TANGO6: variants seen among roughly 807,000 people sequenced by gnomAD.
TANGO6 encodes the protein transport and golgi organization 6 homolog.
In TANGO6, 90 loss-of-function variants were observed where a neutral mutation model predicts 114.2. The observed-to-expected ratio is 0.79, with a 90% confidence interval of 0.66 to 0.94. The LOEUF is 0.94. Ranked by LOEUF, TANGO6 falls within the 40% of genes least tolerant of loss-of-function variation. The pLI is 0.00. For synonymous variants in TANGO6, 477 were observed against 509.8 expected (o/e 0.94, Z 0.87); for missense variants, 1,274 against 1,315.3 (o/e 0.97, Z 0.49).
chr16:69,048,404 G>A (rs1959896379), intron 17 of TANGO6, among the ~76,000 whole-genome samples: 1 of 151,576 alleles, frequency 6.6e-6, no homozygotes, highest in African/African-American at 2.4e-5. Context: ...GCCCTGCCAG[G>A]ATTAATTTTT....
chr16:69,029,298 G>T (rs1461376528), intron 16 of TANGO6, among the ~76,000 whole-genome samples: 5 of 152,190 alleles, frequency 3.3e-5, no homozygotes, highest in Non-Finnish European at 4.4e-5. Flanking sequence ...CTGTTTACTT[G>T]CATTCACTTG....
intron 15 of TANGO6, among the ~76,000 whole-genome samples, chr16:68,995,659 A>G (rs1028774308): frequency 1.3e-5 from 2 of 152,202 alleles, no homozygotes; most frequent in African/African-American, 2.4e-5. Flanking sequence ...CTCAGTGCCA[A>G]TTCTGGTGTT....
intron 15 of TANGO6, among the ~76,000 whole-genome samples, chr16:68,992,485 G>A (rs1170956885): frequency 1.3e-5 from 2 of 152,114 alleles, no homozygotes; most frequent in Non-Finnish European, 2.9e-5. Flanking sequence ...CATGGTAAGG[G>A]GTGAATAAAT....
At position 68,945,191 on chromosome 16, in the gene TANGO6, G is replaced by A. The variant is rs78051051; in HGVS notation, c.2701+14896G>A. 3.4e-3 allele frequency among the ~76,000 whole-genome samples: 524 copies of A among 152,208 alleles called. 4 individuals are homozygous for A. The highest frequency in any genetic ancestry group is 0.012 in the African/African-American group (503 of 41,558). ...AAGAAGTTTGGAGATTTTATAAAAA[G>A]GAGAAATGTTACATACTGTTCCAGA... On this transcript the variant is annotated intron_variant, in intron 14 of 17. Coordinates refer to ENST00000261778, the MANE Select transcript of TANGO6 (RefSeq NM_024562.2).
rs1350154493 is a variant in TANGO6 at position 69,083,687 on chromosome 16, G to A, written c.*26G>A. On this transcript the variant is annotated 3_prime_UTR_variant, in exon 18 of 18. Coordinates refer to ENST00000261778, the MANE Select transcript of TANGO6 (RefSeq NM_024562.2). ...ACCTGGCTCCAAGGACGTGGAGGAG[G>A]CAGGCAGGGCCAGGCACCCAGAGCC... 1.3e-6 allele frequency: 2 copies of A among 1,546,480 alleles called. No individual in the cohort carries two copies. The highest frequency in any genetic ancestry group is 1.2e-5 in the South Asian group (1 of 83,140).
At chr16:68,865,655 G>A (rs1962165220) in intron 3 of TANGO6, among the ~76,000 whole-genome samples, 3 of 152,134 alleles carry the variant, frequency 2.0e-5, no homozygotes, top group South Asian at 4.2e-4. Flanking sequence ...GGCCGGGCGC[G>A]GTGGCGCACT....
intron 12 of TANGO6, among the ~76,000 whole-genome samples, chr16:68,922,958 T>C (rs1211311840): frequency 6.9e-6 from 1 of 144,012 alleles, no homozygotes; most frequent in Non-Finnish European, 1.5e-5. Flanking sequence ...TTTTTTTTTT[T>C]TTTTTTTTGA....
At chr16:69,060,161 GA>G (rs1319408205) in intron 17 of TANGO6, among the ~76,000 whole-genome samples, 2 of 152,010 alleles carry the variant, frequency 1.3e-5, no homozygotes, top group African/African-American at 2.4e-5. Flanking sequence ...TACTTTTTAT[GA>G]AAAGGCTTTT....
chr16:68,924,033 C>G, intron 12 of TANGO6, among the ~76,000 whole-genome samples: 1 of 152,252 alleles, frequency 6.6e-6, no homozygotes, highest in Non-Finnish European at 1.5e-5. Context: ...AGTCTTTTAT[C>G]AGAATTTCCC....
chr16:69,053,834 C>T (rs533971538), intron 17 of TANGO6, among the ~76,000 whole-genome samples: 50 of 152,108 alleles, frequency 3.3e-4, no homozygotes, highest in South Asian at 8.3e-4. Flanking sequence ...GAGGCCAAGG[C>T]GGGTGGATCA....
intron 6 of TANGO6, among the ~76,000 whole-genome samples, chr16:68,880,313 G>A (rs1245811507): frequency 6.6e-6 from 1 of 152,066 alleles, no homozygotes; most frequent in Non-Finnish European, 1.5e-5. Flanking sequence ...TAGGTAATTG[G>A]CAACGTTGGT....
chr16:68,947,190 G>A (rs1396387491), intron 14 of TANGO6, among the ~76,000 whole-genome samples: 1 of 152,152 alleles, frequency 6.6e-6, no homozygotes, highest in Non-Finnish European at 1.5e-5. Context: ...GGGCGCAGTG[G>A]CTCACGCCTG....
At chr16:68,845,037 G>A (rs1008466682) in intron 1 of TANGO6, among the ~76,000 whole-genome samples, 8 of 146,380 alleles carry the variant, frequency 5.5e-5, no homozygotes, top group Non-Finnish European at 7.4e-5. Context: ...GCACAATCTC[G>A]GCTCACTGCA....
intron 17 of TANGO6, among the ~76,000 whole-genome samples, chr16:69,048,326 T>C (rs2152236456): frequency 7.0e-6 from 1 of 142,610 alleles, no homozygotes; most frequent in South Asian, 2.3e-4. Flanking sequence ...GGTCTCAAAC[T>C]CCTGACCTCA....
At chr16:69,062,803 A>G (rs1290318056) in intron 17 of TANGO6, among the ~76,000 whole-genome samples, 1 of 151,018 alleles carries the variant, frequency 6.6e-6, no homozygotes, top group Non-Finnish European at 1.5e-5. Flanking sequence ...AAAAAAAAAA[A>G]AAAAAGAATC....
chr16:68,949,531 G>C (rs1022456704), intron 14 of TANGO6, among the ~76,000 whole-genome samples: 1 of 151,754 alleles, frequency 6.6e-6, no homozygotes, highest in Non-Finnish European at 1.5e-5. Context: ...TGAGGCAGGA[G>C]AATCGCTTGA....
intron 2 of TANGO6, among the ~76,000 whole-genome samples, chr16:68,862,019 T>A (rs942344085): frequency 1.2e-4 from 18 of 151,404 alleles, no homozygotes; most frequent in African/African-American, 4.4e-4. Context: ...TCTATTTTTT[T>A]TTAATTTTTT....
chr16:68,996,465 C>T (rs1379118186), intron 15 of TANGO6, among the ~76,000 whole-genome samples: 1 of 152,028 alleles, frequency 6.6e-6, no homozygotes, highest in Non-Finnish European at 1.5e-5. Context: ...GTTCTAGGCC[C>T]TGAAATGCAG....
chr16:68,864,333 G>T (rs1962144844), intron 3 of TANGO6, among the ~76,000 whole-genome samples: 1 of 152,126 alleles, frequency 6.6e-6, no homozygotes, highest in Non-Finnish European at 1.5e-5. Flanking sequence ...CAGCACTTTG[G>T]CAGGCTGAGG....
Sources: gnomAD v4.1 joint callset for allele counts (sites outside exome capture counted in the v4.1 genomes callset) on GRCh38, gnomAD v4.1.1 for gene constraint, MANE v1.5 for transcripts, NCBI Gene and HGNC (gene_info 2026-07-23, HGNC 2026-07-21) for gene names.